RALYL: variants seen among roughly 807,000 people sequenced by gnomAD.
The protein encoded by RALYL is RNA-binding Raly-like protein.
RALYL carries 29 observed loss-of-function variants against 35.1 expected under a neutral mutation model. The ratio of observed to expected loss-of-function variants is 0.83; its 90% CI spans 0.61 to 1.13. The LOEUF is 1.13. Ranked by LOEUF, RALYL falls within the 50% of genes most tolerant of loss-of-function variation. The probability of loss-of-function intolerance (pLI) is 0.00; values close to 1 mark genes in which losing one functional copy is unlikely to be tolerated. For synonymous variants in RALYL, 120 were observed against 127.6 expected, an observed-to-expected ratio of 0.94 and a Z score of 0.40; for missense variants, 359 against 360.4, an observed-to-expected ratio of 1.00 and a Z score of 0.03.
chr8:84,260,193 T>C (rs1213508897), intron 1 of RALYL, among the ~76,000 whole-genome samples: 1 of 152,146 alleles, frequency 6.6e-6, no homozygotes, highest in Admixed American at 6.5e-5. Context: ...AAACATGCAA[T>C]TTACCCATGA....
At chr8:84,741,851 G>C (rs1320703181) in intron 2 of RALYL, among the ~76,000 whole-genome samples, 1 of 151,850 alleles carries the variant, frequency 6.6e-6, no homozygotes, top group East Asian at 1.9e-4. Flanking sequence ...ATTCCATACT[G>C]CATACTGTTT....
At chr8:84,670,058 C>A (rs1588898886) in intron 2 of RALYL, among the ~76,000 whole-genome samples, 1 of 151,908 alleles carries the variant, frequency 6.6e-6, no homozygotes, top group South Asian at 2.1e-4. Context: ...AGAGCTTGTT[C>A]CTCTGAAACA....
Position 84,588,773 on chromosome 8 carries a change from G to A in RALYL, c.256+59196G>A, listed in dbSNP as rs79797034. Among the ~76,000 whole-genome samples the A allele has an allele frequency of 1.3e-4, 20 of 152,322 alleles. No individual in the cohort carries two copies. In the East Asian group the frequency reaches 3.7e-3, roughly 28 times the overall value. ...GAACCACAGCCAGACCTCAAATGGAGGGAAAGGAACAGCAGTTAACTGAAT... is the reference window on the plus strand; with the variant it reads ...GAACCACAGCCAGACCTCAAATGGAAGGAAAGGAACAGCAGTTAACTGAAT... On this transcript the variant is annotated intron_variant, in intron 2 of 8. Transcript: ENST00000521268.
At chr8:84,652,846 T>G (rs1829131852) in intron 2 of RALYL, among the ~76,000 whole-genome samples, 1 of 152,066 alleles carries the variant, frequency 6.6e-6, no homozygotes, top group Non-Finnish European at 1.5e-5. Flanking sequence ...AATGTCTCAT[T>G]TGGATGATAA....
rs541194532 is a variant in RALYL, at chr8:84,289,378, G to T, written c.-24+104954G>T. Among the ~76,000 whole-genome samples the T allele has an allele frequency of 2.0e-5, 3 of 152,306 alleles. No individual in the cohort carries two copies. The South Asian group carries it at 6.2e-4, about 32-fold the overall frequency. ...GAAAAGGGAAATCAGGGCCTAGTCAGAAGGAAGCAGGTACGGAGTTTTTCC... is the reference window on the plus strand; with the variant it reads ...GAAAAGGGAAATCAGGGCCTAGTCATAAGGAAGCAGGTACGGAGTTTTTCC... On this transcript the variant is annotated intron_variant, in intron 1 of 8. Coordinates refer to ENST00000521268, the MANE Select transcript of RALYL (RefSeq NM_173848.7).
Position 84,462,425 on chromosome 8 carries a change from G to C in RALYL, c.-23-66874G>C, listed in dbSNP as rs115668010. ...CCTCTGAATTGTATTTCAAAGAGCA[G>C]TTTTTACTCTCTTTGTAAAAAAAAA... On this transcript the variant is annotated intron_variant, in intron 1 of 8. Transcript: ENST00000521268. 4.9e-3 allele frequency among the ~76,000 whole-genome samples: 724 copies of C among 148,146 alleles called. 6 individuals are homozygous for C. Among genetic ancestry groups the C allele is most frequent in the African/African-American group, 0.017 (689 of 40,804 alleles).
At chr8:84,416,919 A>C (rs1346708790) in intron 1 of RALYL, among the ~76,000 whole-genome samples, 1 of 152,138 alleles carries the variant, frequency 6.6e-6, no homozygotes, top group African/African-American at 2.4e-5. Context: ...TGTTTTGTAT[A>C]ATGTCTTGGT....
chr8:84,380,033 T>C (rs1012662573), intron 1 of RALYL, among the ~76,000 whole-genome samples: 2 of 151,140 alleles, frequency 1.3e-5, no homozygotes, highest in Non-Finnish European at 3.0e-5. Context: ...ACTTTAATGG[T>C]GGTAGACTAT....
intron 1 of RALYL, among the ~76,000 whole-genome samples, chr8:84,468,093 A>T (rs1297637454): frequency 6.6e-6 from 1 of 151,292 alleles, no homozygotes. Flanking sequence ...TTGACTCTTT[A>T]TCCAATTTGC....
At chr8:84,375,610 C>T (rs1193110975) in intron 1 of RALYL, among the ~76,000 whole-genome samples, 1 of 151,762 alleles carries the variant, frequency 6.6e-6, no homozygotes, top group African/African-American at 2.4e-5. Context: ...AAGAATTGAA[C>T]ACATGAATGT....
At chr8:84,319,010 G>A (rs1051327998) in intron 1 of RALYL, among the ~76,000 whole-genome samples, 9 of 151,824 alleles carry the variant, frequency 5.9e-5, no homozygotes, top group Non-Finnish European at 1.2e-4. Context: ...ACAGAGTTAC[G>A]TGAATTTAAG....
At chr8:84,470,143 T>G (rs770580963) in intron 1 of RALYL, among the ~76,000 whole-genome samples, 41 of 152,318 alleles carry the variant, frequency 2.7e-4, no homozygotes, top group Admixed American at 9.8e-4. Context: ...GCTGTTCCTA[T>G]TCGGCCATCT....
intron 2 of RALYL, among the ~76,000 whole-genome samples, chr8:84,751,750 C>T (rs769507557): frequency 3.9e-5 from 6 of 152,060 alleles, no homozygotes; most frequent in Non-Finnish European, 7.4e-5. Context: ...CCTGACTGCC[C>T]CCTTTGCCCT....
At chr8:84,730,456 T>C (rs2132828679) in intron 2 of RALYL, among the ~76,000 whole-genome samples, 1 of 152,154 alleles carries the variant, frequency 6.6e-6, no homozygotes, top group African/African-American at 2.4e-5. Context: ...CTGGAAGCAT[T>C]CCCTTTGAAA....
At chr8:84,280,059 G>A (rs1252146183) in intron 1 of RALYL, among the ~76,000 whole-genome samples, 1 of 152,148 alleles carries the variant, frequency 6.6e-6, no homozygotes, top group Non-Finnish European at 1.5e-5. Context: ...TTTATTTGAA[G>A]TAGTAACAGT....
rs774698092 is a variant in RALYL at position 84,529,405 on chromosome 8, A to G, written c.84A>G (p.Leu28=). Residue 28 remains leucine (L), a synonymous_variant, in exon 2 of 9, where the codon CTA becomes CTG. Transcript: ENST00000521268. The part of the protein sequence containing the change: ...SINSRVFIGN[L]NTAIVKKVDI... ...ACTCCCGTGTTTTCATCGGCAATCT[A>G]AATACGGCAATTGTCAAGAAAGTTG... 5 of 1,612,650 alleles carry G rather than the reference A, an allele frequency of 3.1e-6. No homozygotes were observed. The Admixed American group carries it at 8.4e-5, about 27-fold the overall frequency.
intron 1 of RALYL, among the ~76,000 whole-genome samples, chr8:84,390,192 C>G (rs1860309880): frequency 2.0e-5 from 3 of 152,060 alleles, no homozygotes; most frequent in African/African-American, 7.2e-5. Flanking sequence ...GGGATGAAGC[C>G]CACTTGATCA....
At chr8:84,446,076 T>C (rs1205404618) in intron 1 of RALYL, among the ~76,000 whole-genome samples, 1 of 152,016 alleles carries the variant, frequency 6.6e-6, no homozygotes, top group Non-Finnish European at 1.5e-5. Context: ...TATTAGCTGT[T>C]TTGGTTGGCA....
chr8:84,397,280 G>A lies in RALYL; in HGVS notation c.-23-132019G>A, dbSNP rs553679395. On this transcript the variant is annotated intron_variant, in intron 1 of 8. Coordinates refer to ENST00000521268, the MANE Select transcript of RALYL (RefSeq NM_173848.7). Reference sequence around the variant, plus strand: ...CCTGTAAGACTCCTTTCAGACTTCTGACCTCCAGAACTGTAGAAAATAATT... The same window carrying A: ...CCTGTAAGACTCCTTTCAGACTTCTAACCTCCAGAACTGTAGAAAATAATT... Among the ~76,000 whole-genome samples the A allele has an allele frequency of 1.8e-4, 28 of 152,242 alleles. No individual in the cohort carries two copies. In the South Asian group the frequency reaches 5.8e-3, roughly 32 times the overall value.
Sources: gnomAD v4.1 joint callset for allele counts (sites outside exome capture counted in the v4.1 genomes callset) on GRCh38, gnomAD v4.1.1 for gene constraint, MANE v1.5 for transcripts, NCBI Gene and HGNC (gene_info 2026-07-23, HGNC 2026-07-21) for gene names.